NTN1: variants seen among roughly 807,000 people sequenced by gnomAD.
NTN1 encodes the protein netrin-1.
A neutral mutation model predicts 54.2 loss-of-function variants in NTN1; 11 were observed. The observed-to-expected ratio is 0.20, with a 90% CI of 0.13 to 0.34. NTN1 has a LOEUF of 0.34. Ranked by LOEUF, NTN1 falls within the 10% of genes least tolerant of loss-of-function variation. The probability of loss-of-function intolerance (pLI) is 1.00; values close to 1 mark genes in which losing one functional copy is unlikely to be tolerated. For missense variants in NTN1, 740 were observed against 893.1 expected (o/e 0.83, Z 2.18); for synonymous variants, 371 against 382.0 (o/e 0.97, Z 0.33).
At chr17:9,226,506 TCGTGGGGAGGTGGTCTCGTGGGGAGGCG>T (rs1567745063) in intron 6 of NTN1, among the ~76,000 whole-genome samples, 3 of 33,632 alleles carry the variant, frequency 8.9e-5, no homozygotes, top group Non-Finnish European at 9.0e-5. Context: ...GGAGGTGGTC[TCGTGGGGAGGTGGTCTCGTGGGGAGGCG>T]GTCTCGTGGG....
At position 9,221,129 on chromosome 17, in the gene NTN1, A is replaced by G; in HGVS notation, c.1412-39A>G. The G allele has an allele frequency of 2.1e-6, 3 of 1,397,528 alleles. No individual in the cohort carries two copies. Among genetic ancestry groups the G allele is most frequent in the Non-Finnish European group, 3.0e-6 (3 of 985,300 alleles). The allele number at this position is 1,397,528 out of a possible 1,614,324, so 86.6% of individuals were successfully genotyped here. On this transcript the variant is annotated intron_variant, in intron 5 of 6. Coordinates refer to ENST00000173229, the MANE Select transcript of NTN1 (RefSeq NM_004822.3). The surrounding 1 kb of genome is among the most constrained non-coding windows in gnomAD (Gnocchi z 4.5). ...CGCCAGCCTATTCATCGCCAGCCTA[A>G]TTAGTTTTTGTCTGTGCTCCCCCCC...
In NTN1 at chr17:9,022,448, G is replaced by A. The variant is rs759241691; in HGVS notation, c.75G>A (p.Gly25=). 1.4e-4 allele frequency: 211 copies of A among 1,463,486 alleles called. No homozygotes were observed. The highest frequency in any genetic ancestry group is 1.7e-4 in the Non-Finnish European group (191 of 1,115,102). The allele number at this position is 1,463,486 out of a possible 1,614,324, so 90.7% of individuals were successfully genotyped here. A position where few individuals can be genotyped will look rare whatever the true frequency, so the allele number is the denominator to read the frequency against. The change falls in exon 2 of 7, where the codon GGG becomes GGA. Residue 25 remains glycine (G), a synonymous_variant. Coordinates refer to ENST00000173229, the MANE Select transcript of NTN1 (RefSeq NM_004822.3). ...VACLVGAVRG[G]PGLSMFAGQA... is the part of the protein sequence containing the mutation. ...GCCTGGTGGGCGCGGTGCGCGGCGGGCCCGGGCTCAGCATGTTCGCGGGCC... is the reference window on the plus strand; with the variant it reads ...GCCTGGTGGGCGCGGTGCGCGGCGGACCCGGGCTCAGCATGTTCGCGGGCC...
At chr17:9,108,090 G>A (rs1416418475) in intron 2 of NTN1, among the ~76,000 whole-genome samples, 1 of 152,200 alleles carries the variant, frequency 6.6e-6, no homozygotes, top group African/African-American at 2.4e-5. Context: ...GTGAACTTGT[G>A]TAAGTTAGGG....
At chr17:9,191,081 A>G (rs947753547) in intron 5 of NTN1, among the ~76,000 whole-genome samples, 1 of 152,258 alleles carries the variant, frequency 6.6e-6, no homozygotes, top group Non-Finnish European at 1.5e-5. Context: ...TAAAATATAT[A>G]TGAATATCAA....
chr17:9,141,195 G>C (rs192232756), intron 2 of NTN1, among the ~76,000 whole-genome samples: 1 of 151,882 alleles, frequency 6.6e-6, no homozygotes, highest in East Asian at 1.9e-4. Context: ...ATTTCCCCCC[G>C]AGAAGACAGA....
chr17:9,108,604 T>A (rs78664300), intron 2 of NTN1, among the ~76,000 whole-genome samples: 11,464 of 152,278 alleles, frequency 0.075, 618 homozygotes, highest in Non-Finnish European at 0.11. Flanking sequence ...ACATAGCAAG[T>A]GAGACTGGTC....
intron 2 of NTN1, among the ~76,000 whole-genome samples, chr17:9,160,958 G>A (rs549321789): frequency 7.9e-5 from 12 of 152,160 alleles, no homozygotes; most frequent in South Asian, 2.1e-4. Context: ...ACCCTGCCTC[G>A]AACAAAACAA....
chr17:9,038,683 A>G lies in NTN1; in HGVS notation c.1018+15292A>G, dbSNP rs376085358. 3.3e-5 allele frequency among the ~76,000 whole-genome samples: 5 copies of G among 151,938 alleles called. No homozygotes were observed. In the South Asian group the frequency reaches 8.3e-4, roughly 25 times the overall value. ...TGCTGTTCCCTCCCTCCTCCCACACACCTCATGATCACTGGGGTCTCAGGG... is the reference window on the plus strand; with the variant it reads ...TGCTGTTCCCTCCCTCCTCCCACACGCCTCATGATCACTGGGGTCTCAGGG... On this transcript the variant is annotated intron_variant, in intron 2 of 6. Coordinates refer to ENST00000173229, the MANE Select transcript of NTN1 (RefSeq NM_004822.3).
chr17:9,093,062 T>G, intron 2 of NTN1, among the ~76,000 whole-genome samples: 1 of 151,932 alleles, frequency 6.6e-6, no homozygotes. Flanking sequence ...CCAGCCAATT[T>G]TTGTGTTTTT....
rs375053041 is a variant in NTN1 at position 9,219,198 on chromosome 17, C to T, written c.1412-1970C>T. 2.3e-3 allele frequency among the ~76,000 whole-genome samples: 345 copies of T among 152,272 alleles called. No homozygotes were observed. Among genetic ancestry groups the T allele is most frequent in the Non-Finnish European group, 3.6e-3 (244 of 68,022 alleles). On this transcript the variant is annotated intron_variant, in intron 5 of 6. Transcript: ENST00000173229. This position sits in a 1 kb window ranked among gnomAD's most constrained non-coding sequence, Gnocchi z 4.5. ...GCGGTGCTGATGGTGCTGATGGCGC[C>T]GTTGACTTGAGTGTTTGGGCTGCCG... is the stretch of plus-strand genomic sequence containing the variant.
chr17:9,112,783 G>T (rs188597856), intron 2 of NTN1, among the ~76,000 whole-genome samples: 1 of 140,314 alleles, frequency 7.1e-6, no homozygotes, highest in Non-Finnish European at 1.5e-5. Context: ...CCGAGATCGC[G>T]CCACTGCACT....
At chr17:9,087,969 C>T (rs1167365882) in intron 2 of NTN1, among the ~76,000 whole-genome samples, 1 of 152,212 alleles carries the variant, frequency 6.6e-6, no homozygotes, top group Non-Finnish European at 1.5e-5. Context: ...AACCCCAATT[C>T]GACCAGGAGG....
intron 2 of NTN1, among the ~76,000 whole-genome samples, chr17:9,143,534 GCT>G (rs1351230208): frequency 3.3e-5 from 5 of 152,290 alleles, no homozygotes. Context: ...TCAAACTGTG[GCT>G]CTCTCTCCTG....
chr17:9,144,544 C>A (rs993080167), intron 2 of NTN1, among the ~76,000 whole-genome samples: 1 of 152,156 alleles, frequency 6.6e-6, no homozygotes, highest in Non-Finnish European at 1.5e-5. Flanking sequence ...GGCTTAGGCT[C>A]CCAGAGGGTG....
At chr17:9,114,151 A>AT (rs1255176754) in intron 2 of NTN1, among the ~76,000 whole-genome samples, 110 of 94,336 alleles carry the variant, frequency 1.2e-3, no homozygotes, top group African/African-American at 4.4e-3. Flanking sequence ...GCCAAAAAAA[A>AT]AGAAAAAAAA....
At chr17:9,151,442 C>G (rs2092327446) in intron 2 of NTN1, among the ~76,000 whole-genome samples, 1 of 152,214 alleles carries the variant, frequency 6.6e-6, no homozygotes. Context: ...CCGTCCCACT[C>G]TGACTGTGAC....
At chr17:9,077,129 G>A (rs903371966) in intron 2 of NTN1, among the ~76,000 whole-genome samples, 3 of 152,062 alleles carry the variant, frequency 2.0e-5, no homozygotes, top group Admixed American at 6.6e-5. Flanking sequence ...ACAGAGGAAA[G>A]AACTGATAAC....
At chr17:9,018,910 C>T (rs2091837608), upstream of NTN1, among the ~76,000 whole-genome samples, 1 of 152,196 alleles carries the variant, frequency 6.6e-6, no homozygotes, top group African/African-American at 2.4e-5. Context: ...GCTCATTACC[C>T]CATACTGTGT....
chr17:9,093,819 TA>T (rs1368721205), intron 2 of NTN1, among the ~76,000 whole-genome samples: 1 of 151,960 alleles, frequency 6.6e-6, no homozygotes, highest in Non-Finnish European at 1.5e-5. Flanking sequence ...TCTAAAAATA[TA>T]AAAATTAGCT....
Sources: gnomAD v4.1 joint callset for allele counts (sites outside exome capture counted in the v4.1 genomes callset) on GRCh38, gnomAD v4.1.1 for gene constraint, Gnocchi (gnomAD v3.1) non-coding constraint, MANE v1.5 for transcripts, NCBI Gene and HGNC (gene_info 2026-07-23, HGNC 2026-07-21) for gene names.